The following EPAS1 variants were observed in gnomAD, a reference collection of about 807,000 sequenced individuals.
The protein encoded by EPAS1 is endothelial PAS domain protein 1.
In EPAS1, 23 loss-of-function variants were observed where a neutral mutation model predicts 87.9. The observed-to-expected ratio is 0.26, with a 90% CI of 0.19 to 0.37. EPAS1 has a LOEUF of 0.37. Among genes scored for constraint, EPAS1 ranks in the 10% least tolerant of loss-of-function variants. The pLI is 1.00. For missense variants in EPAS1, 1,138 were observed against 1,120.7 expected, an observed-to-expected ratio of 1.02 and a Z score of -0.22; for synonymous variants, 508 against 444.3, an observed-to-expected ratio of 1.14 and a Z score of -1.80.
intron 11 of EPAS1, 115 bp downstream of exon 11, chr2:46,378,882 T>G: frequency 9.8e-7 from 1 of 1,020,274 alleles, no homozygotes; most frequent in Non-Finnish European, 1.5e-6. Context: ...TGGAGACGTT[T>G]GGCCAAGGCC....
chr2:46,373,524 AAGAGT>A (rs1684671550), intron 7 of EPAS1, among the ~76,000 whole-genome samples: 1 of 152,222 alleles, frequency 6.6e-6, no homozygotes, highest in Admixed American at 6.5e-5. Context: ...AGCCAGACAC[AAGAGT>A]AGATACTCCT....
At chr2:46,299,374 C>T (rs1682950498) in intron 1 of EPAS1, among the ~76,000 whole-genome samples, 1 of 152,192 alleles carries the variant, frequency 6.6e-6, no homozygotes, top group Non-Finnish European at 1.5e-5. Context: ...GCCCTCAGAC[C>T]CAAGACAAGT....
intron 6 of EPAS1, among the ~76,000 whole-genome samples, chr2:46,362,977 A>AGTGGTGGTGGTGGTGGTGGTGGTAGTG (rs1684428283): frequency 6.7e-5 from 7 of 104,374 alleles, no homozygotes; most frequent in Middle Eastern, 5.4e-3. Context: ...TGGTGGTGGT[A>AGTGGTGGTGGTGGTGGTGGTGGTAGTG]GTGGTGGTGG....
At chr2:46,369,289 C>G (rs574213810) in intron 6 of EPAS1, among the ~76,000 whole-genome samples, 1 of 152,312 alleles carries the variant, frequency 6.6e-6, no homozygotes, top group African/African-American at 2.4e-5. Flanking sequence ...TGGACTCCCT[C>G]TCACGTGCTG....
Position 46,375,948 on chromosome 2 carries a change from C to A in EPAS1, c.1034+111C>A. The A allele has an allele frequency of 2.1e-6, 3 of 1,445,266 alleles. No homozygotes were observed. The highest frequency in any genetic ancestry group is 2.9e-6 in the Non-Finnish European group (3 of 1,032,146). 89.5% of individuals were successfully genotyped at this position (1,445,266 alleles called of 1,614,324 possible). On this transcript the variant is annotated intron_variant, in intron 8 of 15. Coordinates refer to ENST00000263734, the MANE Select transcript of EPAS1 (RefSeq NM_001430.5). This position sits in a 1 kb window ranked among gnomAD's most constrained non-coding sequence, Gnocchi z 4.1. ...ATGCCAGGCCTCTCAGCGCCCTGGG[C>A]ACCACCTCAGGGAGGTCTTGCAGGG...
At chr2:46,369,743 C>T (rs1684585504) in intron 6 of EPAS1, 84 bp from the exon 7 acceptor site, 1 of 933,638 alleles carries the variant, frequency 1.1e-6, no homozygotes, top group African/African-American at 1.6e-5. Context: ...GTTTGATTTG[C>T]CTTCTGGGGT....
Position 46,346,764 on chromosome 2 carries a change from G to C in EPAS1, c.27-109G>C. ...ACTGGTGTGAGCCCAGATCAGTCTA[G>C]TAAGGGAGTGTGGCTGCACTGGGGG... is the stretch of plus-strand genomic sequence containing the variant. On this transcript the variant is annotated intron_variant, in intron 1 of 15. Transcript: ENST00000263734. The surrounding 1 kb of genome is among the most constrained non-coding windows in gnomAD (Gnocchi z 4.0). 2 of 1,134,032 alleles carry C rather than the reference G, an allele frequency of 1.8e-6. No individual in the cohort carries two copies. Among genetic ancestry groups the C allele is most frequent in the Non-Finnish European group, 2.6e-6 (2 of 769,690 alleles). 70.2% of individuals were successfully genotyped at this position (1,134,032 alleles called of 1,614,324 possible).
chr2:46,319,584 G>T (rs1319876219), intron 1 of EPAS1, among the ~76,000 whole-genome samples: 1 of 152,186 alleles, frequency 6.6e-6, no homozygotes, highest in Non-Finnish European at 1.5e-5. Flanking sequence ...CTTGGAAATT[G>T]TATATTTTTA....
chr2:46,308,464 G>GGT (rs1381355621), intron 1 of EPAS1, among the ~76,000 whole-genome samples: 3 of 142,890 alleles, frequency 2.1e-5, no homozygotes, highest in Non-Finnish European at 3.1e-5. Context: ...TTTTTTTGGG[G>GGT]GGGGGGGCTC....
chr2:46,378,499 T>C (rs956815572), intron 10 of EPAS1, among the ~76,000 whole-genome samples, 158 bp from the exon 11 acceptor site: 1 of 152,214 alleles, frequency 6.6e-6, no homozygotes, highest in Non-Finnish European at 1.5e-5. Context: ...TTGACCTAAT[T>C]CATACAGCTT....
chr2:46,378,312 C>G (rs1370336994), intron 10 of EPAS1, among the ~76,000 whole-genome samples: 1 of 152,248 alleles, frequency 6.6e-6, no homozygotes, highest in African/African-American at 2.4e-5. Context: ...CTTTGAGCCC[C>G]CAGCTCAGTC....
chr2:46,327,973 G>C (rs536303140), intron 1 of EPAS1, among the ~76,000 whole-genome samples: 1 of 151,888 alleles, frequency 6.6e-6, no homozygotes, highest in African/African-American at 2.4e-5. Context: ...ACCTACCTCC[G>C]GGGGGGCTAC....
Position 46,356,095 on chromosome 2 carries a change from C to G in EPAS1, c.218-56C>G, listed in dbSNP as rs982543659. 2.2e-5 allele frequency: 34 copies of G among 1,549,042 alleles called. 1 individual carries two copies. The highest frequency in any genetic ancestry group is 2.1e-4 in the South Asian group (19 of 89,354). On this transcript the variant is annotated intron_variant, in intron 2 of 15. Transcript: ENST00000263734. ...CTGGCAAATGCCTATCTGTGCCAGT[C>G]CCATCTGTTTTCACTCCACATTCAT...
chr2:46,332,616 C>T (rs1366098959), intron 1 of EPAS1, among the ~76,000 whole-genome samples: 5 of 152,032 alleles, frequency 3.3e-5, no homozygotes, highest in Admixed American at 2.0e-4. Flanking sequence ...GTTCTTTAGC[C>T]CCACTTGCTG....
At chr2:46,328,979 C>A (rs1683618178) in intron 1 of EPAS1, among the ~76,000 whole-genome samples, 1 of 152,140 alleles carries the variant, frequency 6.6e-6, no homozygotes, top group Admixed American at 6.5e-5. Flanking sequence ...AACTTTGCAT[C>A]CTCAAAATGT....
chr2:46,351,271 A>C (rs1326722262), intron 2 of EPAS1, among the ~76,000 whole-genome samples: 2 of 152,230 alleles, frequency 1.3e-5, no homozygotes, highest in Non-Finnish European at 2.9e-5. Flanking sequence ...GTCAGTCAAC[A>C]GGTGTTTGCT....
chr2:46,332,937 G>A (rs745450897), intron 1 of EPAS1, among the ~76,000 whole-genome samples: 32 of 152,318 alleles, frequency 2.1e-4, no homozygotes, highest in Admixed American at 5.9e-4. Context: ...GAGGGGAGGG[G>A]TCTGCCCTTG....
At chr2:46,323,560 T>C (rs190870556) in intron 1 of EPAS1, among the ~76,000 whole-genome samples, 90 of 152,256 alleles carry the variant, frequency 5.9e-4, no homozygotes, top group Non-Finnish European at 5.9e-5. Context: ...ATCCTGGAGG[T>C]AGGGAACAGT....
At position 46,381,677 on chromosome 2, in the gene EPAS1, G is replaced by A. The variant is rs762662110; in HGVS notation, c.2127G>A (p.Lys709=). ...CCCTCTCCAACAAGCTGAAGCTGAA[G>A]CGACAGCTGGAGTATGAAGAGCAAG... ...MVALSNKLKL[K]RQLEYEEQAF... The change falls in exon 13 of 16, where the codon AAG becomes AAA. Residue 709 remains lysine (K), a synonymous_variant. Transcript: ENST00000263734. 2 of 1,614,038 alleles carry A rather than the reference G, an allele frequency of 1.2e-6. No homozygotes were observed. The highest frequency in any genetic ancestry group is 3.3e-5 in the Admixed American group (2 of 60,030).
Sources: allele counts gnomAD v4.1 joint callset (sites outside exome capture counted in the v4.1 genomes callset), GRCh38; gene constraint gnomAD v4.1.1; non-coding constraint Gnocchi (gnomAD v3.1); transcripts MANE v1.5; gene names NCBI Gene and HGNC (gene_info 2026-07-23, HGNC 2026-07-21).